Variants in ZBBX observed in about 807,000 individuals in gnomAD.
ZBBX encodes the protein zinc finger B-box domain containing.
In ZBBX, 101 loss-of-function variants were observed where a neutral mutation model predicts 108.5. The observed-to-expected ratio is 0.93, with a 90% CI of 0.79 to 1.10. The LOEUF is 1.10. Among genes scored for constraint, ZBBX ranks in the 50% least tolerant of loss-of-function variants. The pLI is 0.00. For missense variants in ZBBX, 1,009 were observed against 941.4 expected (o/e 1.07, Z -0.94); for synonymous variants, 356 against 323.4 (o/e 1.10, Z -1.08).
chr3:167,181,564 G>C, the ZBBX span, among the ~76,000 whole-genome samples: 1 of 152,074 alleles, frequency 6.6e-6, no homozygotes, highest in African/African-American at 2.4e-5. Flanking sequence ...TGTTTCACAG[G>C]CAGGATGTTT....
At chr3:167,328,773 T>C (rs1737866840) in intron 10 of ZBBX, among the ~76,000 whole-genome samples, 1 of 152,160 alleles carries the variant, frequency 6.6e-6, no homozygotes, top group South Asian at 2.1e-4. Flanking sequence ...TACATAGCCA[T>C]TCCCTCATTT....
chr3:167,277,837 A>G (rs1425539656), intron 20 of ZBBX, among the ~76,000 whole-genome samples: 1 of 152,212 alleles, frequency 6.6e-6, no homozygotes, highest in Non-Finnish European at 1.5e-5. Flanking sequence ...GAAATTGACC[A>G]CATACTTGGA....
Position 167,242,602 on chromosome 3 carries a change from G to T in ZBBX, c.2296C>A (p.Pro766Thr). The T allele has an allele frequency of 1.2e-6, 2 of 1,613,540 alleles. No individual in the cohort carries two copies. The highest frequency in any genetic ancestry group is 8.5e-7 in the Non-Finnish European group (1 of 1,179,808). The change falls in exon 21 of 22, where the codon CCA becomes ACA. Residue 766 changes from proline (P) to threonine (T), a missense_variant. Transcript: ENST00000675490. ...KLYSLTSEEFPDFSSQSLNIS... is the reference protein window; with the variant it reads ...KLYSLTSEEFTDFSSQSLNIS... ...TTCAGTGATTGGCTGCTGAAATCTG[G>T]GAACTCTTCTGAGGTTAAGCTGTAA...
chr3:167,298,424 A>G lies in ZBBX; in HGVS notation c.1760T>C (p.Ile587Thr). Residue 587 changes from isoleucine (I) to threonine (T), a missense_variant, in exon 18 of 22, where the codon ATA becomes ACA. By Grantham distance (89) the Ile-to-Thr change is moderately conservative. Coordinates refer to ENST00000675490, the MANE Select transcript of ZBBX (RefSeq NM_001199201.2). ...LQEIACRSKP[I>T]TKQYQGLERF... is the part of the protein sequence containing the mutation. ...CTCAAGTCCTTGATATTGTTTTGTTATAGGCTTACTTCTGCAGGCTATTTC... is the reference window on the plus strand; with the variant it reads ...CTCAAGTCCTTGATATTGTTTTGTTGTAGGCTTACTTCTGCAGGCTATTTC... The G allele has an allele frequency of 6.5e-7, 1 of 1,550,090 alleles. No individual in the cohort carries two copies. The highest frequency in any genetic ancestry group is 1.8e-5 in the Admixed American group (1 of 55,678).
intron 2 of ZBBX, among the ~76,000 whole-genome samples, chr3:167,375,346 C>T (rs1352956521): frequency 6.6e-6 from 1 of 152,110 alleles, no homozygotes; most frequent in Non-Finnish European, 1.5e-5. Context: ...AATCCCAGTA[C>T]CTTGGGAGGC....
intron 1 of ZBBX, among the ~76,000 whole-genome samples, chr3:167,405,629 T>G (rs1464253275): frequency 7.9e-5 from 12 of 152,190 alleles, no homozygotes; most frequent in Admixed American, 7.2e-4. Flanking sequence ...GGTTATTCTT[T>G]CAGGGAGCTT....
At chr3:167,244,481 G>A (rs1334800295) in intron 20 of ZBBX, among the ~76,000 whole-genome samples, 3 of 152,168 alleles carry the variant, frequency 2.0e-5, no homozygotes, top group Non-Finnish European at 4.4e-5. Flanking sequence ...AAGCTGTTCC[G>A]AGTTGTGCAA....
At chr3:167,371,966 C>A (rs1252263348) in intron 4 of ZBBX, among the ~76,000 whole-genome samples, 1 of 152,132 alleles carries the variant, frequency 6.6e-6, no homozygotes, top group Admixed American at 6.5e-5. Flanking sequence ...GTAATCCCAG[C>A]ACTTTGGGAG....
the ZBBX span, among the ~76,000 whole-genome samples, chr3:167,232,638 C>G: frequency 6.6e-6 from 1 of 151,800 alleles, no homozygotes; most frequent in Non-Finnish European, 1.5e-5. Flanking sequence ...TCTCTTAGGA[C>G]TCTCATAGAA....
At chr3:167,384,465 G>C (rs1323392303), upstream of ZBBX, among the ~76,000 whole-genome samples, 3 of 152,068 alleles carry the variant, frequency 2.0e-5, no homozygotes, top group African/African-American at 7.2e-5. Flanking sequence ...CTCACAGAGA[G>C]TGGGGTCAAG....
chr3:167,329,605 CA>C (rs1398662982), intron 10 of ZBBX, among the ~76,000 whole-genome samples: 1 of 151,998 alleles, frequency 6.6e-6, no homozygotes, highest in Non-Finnish European at 1.5e-5. Context: ...ATTCCATAAG[CA>C]AAAAGTGCCA....
the ZBBX span, among the ~76,000 whole-genome samples, chr3:167,231,889 G>A: frequency 6.6e-6 from 1 of 151,698 alleles, no homozygotes; most frequent in Non-Finnish European, 1.5e-5. Flanking sequence ...TTCTAAGGTA[G>A]CATTTATATT....
chr3:167,396,217 T>A (rs932999637), intron 1 of ZBBX, among the ~76,000 whole-genome samples: 2 of 152,054 alleles, frequency 1.3e-5, no homozygotes, highest in African/African-American at 4.8e-5. Context: ...TGGAGCTGAC[T>A]GTTGCAGGAT....
At chr3:167,187,908 G>A in the ZBBX span, among the ~76,000 whole-genome samples, 1 of 152,148 alleles carries the variant, frequency 6.6e-6, no homozygotes, top group Non-Finnish European at 1.5e-5. Flanking sequence ...AGATAAAACA[G>A]TTAATATTTG....
At chr3:167,325,304 A>G (rs1416453985) in intron 11 of ZBBX, among the ~76,000 whole-genome samples, 1 of 152,142 alleles carries the variant, frequency 6.6e-6, no homozygotes, top group Non-Finnish European at 1.5e-5. Context: ...GGGAGGCCTC[A>G]TAATCATGAC....
intron 18 of ZBBX, among the ~76,000 whole-genome samples, chr3:167,297,353 A>G (rs1468764547): frequency 6.6e-6 from 1 of 152,040 alleles, no homozygotes; most frequent in Non-Finnish European, 1.5e-5. Context: ...AAAATAATGA[A>G]TCTGGACCTT....
intron 16 of ZBBX, among the ~76,000 whole-genome samples, chr3:167,311,824 G>A (rs1371987473): frequency 2.0e-5 from 3 of 152,120 alleles, no homozygotes; most frequent in Non-Finnish European, 4.4e-5. Context: ...TTCATTAATT[G>A]CTGGTGGGAA....
chr3:167,386,985 TATA>T (rs1236381702), intron 1 of ZBBX, among the ~76,000 whole-genome samples: 1 of 152,078 alleles, frequency 6.6e-6, no homozygotes, highest in Non-Finnish European at 1.5e-5. Flanking sequence ...TAAAATATTT[TATA>T]ATAACTGCCT....
At chr3:167,277,340 T>C (rs1405985325) in intron 20 of ZBBX, among the ~76,000 whole-genome samples, 2 of 152,096 alleles carry the variant, frequency 1.3e-5, no homozygotes, top group African/African-American at 4.8e-5. Context: ...CAGTGTGCTG[T>C]ATTCAGGAAG....
Sources: allele counts gnomAD v4.1 joint callset (sites outside exome capture counted in the v4.1 genomes callset), GRCh38; gene constraint gnomAD v4.1.1; transcripts MANE v1.5; gene names NCBI Gene and HGNC (gene_info 2026-07-23, HGNC 2026-07-21).